The following ASB3 variants were observed in gnomAD, a reference collection of about 807,000 sequenced individuals.
The protein encoded by ASB3 is ankyrin repeat and SOCS box containing 3.
Under a neutral mutation model 54.5 loss-of-function variants are expected in ASB3, and 41 were observed. That is an observed-to-expected ratio of 0.75 (90% confidence interval 0.59 to 0.98). The LOEUF is 0.98. Among genes scored for constraint, ASB3 ranks in the 50% least tolerant of loss-of-function variants. The probability of loss-of-function intolerance (pLI) is 0.00; values close to 1 mark genes in which losing one functional copy is unlikely to be tolerated. For synonymous variants in ASB3, 266 were observed against 221.2 expected (o/e 1.20, Z -1.80); for missense variants, 733 against 620.0 (o/e 1.18, Z -1.94).
intron 9 of ASB3, among the ~76,000 whole-genome samples, chr2:53,684,805 T>C (rs905042781): frequency 3.6e-4 from 55 of 152,290 alleles, no homozygotes; most frequent in African/African-American, 9.6e-4. Flanking sequence ...GGAAACCTAA[T>C]GAGACCCTTA....
chr2:53,703,730 C>T (rs1572872535), intron 7 of ASB3, among the ~76,000 whole-genome samples: 1 of 151,896 alleles, frequency 6.6e-6, no homozygotes, highest in Non-Finnish European at 1.5e-5. Flanking sequence ...CAAGAAAGTC[C>T]ACAAATAGTA....
intron 9 of ASB3, among the ~76,000 whole-genome samples, chr2:53,675,623 G>T (rs1203383409): frequency 6.6e-6 from 1 of 152,070 alleles, no homozygotes; most frequent in Non-Finnish European, 1.5e-5. Flanking sequence ...TTATGAAAAA[G>T]TTATTGTCAA....
At chr2:53,750,688 T>C in intron 3 of ASB3, 95 bp downstream of exon 3, 1 of 1,325,266 alleles carries the variant, frequency 7.5e-7, no homozygotes, top group Non-Finnish European at 9.8e-7. Flanking sequence ...AAGAACATAC[T>C]ATAAGCACAA....
In ASB3 at chr2:53,771,956, ATTC is replaced by A. The variant is rs747720538; in HGVS notation, c.-13-6374_-13-6372del. 1.7e-5 allele frequency: 24 copies of A among 1,419,206 alleles called. No individual in the cohort carries two copies. In the East Asian group the frequency reaches 3.8e-4, roughly 23 times the overall value. The allele number at this position is 1,419,206 out of a possible 1,614,324, so 87.9% of individuals were successfully genotyped here. A position where few individuals can be genotyped will look rare whatever the true frequency, so the allele number is the denominator to read the frequency against. ...GAAGATCCTGCGGTATGGTATAAAT[ATTC>A]TTTTTTGTATAATTTTAATTTTATA... On this transcript the variant is annotated intron_variant, in intron 1 of 9. Transcript: ENST00000263634.
intron 5 of ASB3, among the ~76,000 whole-genome samples, chr2:53,724,818 G>A (rs1388174505): frequency 3.3e-5 from 5 of 152,038 alleles, no homozygotes; most frequent in African/African-American, 7.2e-5. Context: ...AAAGGGGAAC[G>A]CTTATACATT....
At chr2:53,782,411 G>A (rs1264022634) in intron 1 of ASB3, among the ~76,000 whole-genome samples, 6 of 152,046 alleles carry the variant, frequency 3.9e-5, no homozygotes, top group Non-Finnish European at 8.8e-5. Context: ...AGACATTCTT[G>A]CCAGCAGAGC....
At chr2:53,720,159 C>T (rs1670619948) in intron 5 of ASB3, among the ~76,000 whole-genome samples, 1 of 151,182 alleles carries the variant, frequency 6.6e-6, no homozygotes, top group Non-Finnish European at 1.5e-5. Context: ...AAAAAGGCAA[C>T]CATTTGTCTC....
Position 53,728,794 on chromosome 2 carries a change from G to A in ASB3, c.522C>T (p.Cys174=), listed in dbSNP as rs773602606. The change falls in exon 5 of 10, where the codon TGC becomes TGT. Residue 174 remains cysteine, a synonymous_variant. Transcript: ENST00000263634. ...LLLRKGANKE[C]QDDFGITPLF... ...AAGGTGTGATTCCAAAGTCATCCTG[G>A]CATTCCTTGTTTGCTCCTTTTCTAA... The A allele has an allele frequency of 1.2e-5, 19 of 1,611,826 alleles. No homozygotes were observed. The Admixed American group carries it at 2.5e-4, about 21-fold the overall frequency.
At chr2:53,748,577 A>G (rs981428509) in intron 3 of ASB3, among the ~76,000 whole-genome samples, 2 of 152,212 alleles carry the variant, frequency 1.3e-5, no homozygotes, top group Admixed American at 6.5e-5. Flanking sequence ...GGTAAGATGC[A>G]CTAAGATACC....
intron 5 of ASB3, among the ~76,000 whole-genome samples, chr2:53,724,386 G>C (rs1401215555): frequency 1.3e-5 from 2 of 152,030 alleles, no homozygotes; most frequent in East Asian, 3.9e-4. Flanking sequence ...ATCACGAGGT[G>C]AGGAGATCAA....
chr2:53,728,343 G>C (rs1671122001), intron 5 of ASB3, among the ~76,000 whole-genome samples: 2 of 151,976 alleles, frequency 1.3e-5, no homozygotes, highest in African/African-American at 4.8e-5. Context: ...ACCCCTCAGA[G>C]CCTTAATAAA....
At chr2:53,697,270 G>A (rs558638467) in intron 8 of ASB3, among the ~76,000 whole-genome samples, 14 of 152,294 alleles carry the variant, frequency 9.2e-5, no homozygotes, top group Middle Eastern at 3.4e-3. Context: ...CTCAGTCCTG[G>A]GACTTGCCCA....
At position 53,716,691 on chromosome 2, in the gene ASB3, A is replaced by T. The variant is rs143775666; in HGVS notation, c.657T>A (p.Ala219=). The T allele has an allele frequency of 8.4e-5, 135 of 1,614,084 alleles. No individual in the cohort carries two copies. Among genetic ancestry groups the T allele is most frequent in the Non-Finnish European group, 1.1e-4 (130 of 1,180,026 alleles). ...CACATTTTGTGTGTCCCTCTTGAGC[A>T]GCAATGAACAAGGGTGTAGCTTTGT... ...ALDKATPLFI[A]AQEGHTKCVE... is the part of the protein sequence containing the mutation. The change falls in exon 6 of 10, where the codon GCT becomes GCA. Residue 219 remains alanine, a synonymous_variant. Coordinates refer to ENST00000263634, the MANE Select transcript of ASB3 (RefSeq NM_016115.5).
intron 9 of ASB3, among the ~76,000 whole-genome samples, chr2:53,678,983 T>C (rs1474075808): frequency 7.2e-5 from 11 of 152,086 alleles, no homozygotes; most frequent in Admixed American, 6.5e-4. Context: ...CTCTCCCTTA[T>C]TGCCACACCC....
At chr2:53,679,773 G>T (rs1347419065) in intron 9 of ASB3, among the ~76,000 whole-genome samples, 1 of 151,970 alleles carries the variant, frequency 6.6e-6, no homozygotes, top group Non-Finnish European at 1.5e-5. Context: ...AAGTTCAGGG[G>T]TACATGTGTA....
At chr2:53,727,736 T>C (rs1474352387) in intron 5 of ASB3, among the ~76,000 whole-genome samples, 1 of 152,176 alleles carries the variant, frequency 6.6e-6, no homozygotes, top group African/African-American at 2.4e-5. Context: ...TCTTTCTTTC[T>C]TTTTTTGGAG....
rs886698385 is a variant in ASB3, at chr2:53,767,741, C to A, written c.-13-2156G>T. 4.2e-5 allele frequency: 38 copies of A among 903,148 alleles called. 1 individual carries two copies. The African/African-American group carries it at 4.9e-4, about 12-fold the overall frequency. 55.9% of individuals were successfully genotyped at this position (903,148 alleles called of 1,614,324 possible). A position where few individuals can be genotyped will look rare whatever the true frequency, so the allele number is the denominator to read the frequency against. On this transcript the variant is annotated intron_variant, in intron 1 of 9. Transcript: ENST00000263634. The stretch of plus-strand genomic sequence containing the variant: ...ATCCGCTCGGAAAATCTTTCTGGAT[C>A]TAAACTCCCAGTGCGCTTTGCGCCC...
At chr2:53,718,147 T>A (rs1397456242) in intron 5 of ASB3, among the ~76,000 whole-genome samples, 1 of 152,186 alleles carries the variant, frequency 6.6e-6, no homozygotes, top group Non-Finnish European at 1.5e-5. Flanking sequence ...ATTTCCCTAA[T>A]CTTGCCAGAG....
chr2:53,704,810 G>C (rs1669681328), intron 7 of ASB3, among the ~76,000 whole-genome samples: 1 of 152,124 alleles, frequency 6.6e-6, no homozygotes, highest in Admixed American at 6.5e-5. Flanking sequence ...AAAAAACAAA[G>C]ATTCTGCATT....
Sources: gnomAD v4.1 joint callset for allele counts (sites outside exome capture counted in the v4.1 genomes callset) on GRCh38, gnomAD v4.1.1 for gene constraint, MANE v1.5 for transcripts, NCBI Gene and HGNC (gene_info 2026-07-23, HGNC 2026-07-21) for gene names.